LHFPL2: variants seen among roughly 807,000 people sequenced by gnomAD.
LHFPL2 encodes the protein LHFPL tetraspan subfamily member 2 protein.
LHFPL2 carries 7 observed loss-of-function variants against 17.5 expected under a neutral mutation model. That is an observed-to-expected ratio of 0.40 (90% CI 0.23 to 0.75). The LOEUF is 0.75. LHFPL2 is among the 30% of genes least tolerant of loss of function. LHFPL2 has a pLI of 0.37. For missense variants in LHFPL2, 241 were observed against 294.8 expected, an observed-to-expected ratio of 0.82 and a Z score of 1.34; for synonymous variants, 134 against 116.2, an observed-to-expected ratio of 1.15 and a Z score of -0.99.
intron 2 of LHFPL2, among the ~76,000 whole-genome samples, chr5:78,623,724 G>T (rs184710670): frequency 6.6e-6 from 1 of 152,272 alleles, no homozygotes; most frequent in East Asian, 1.9e-4. Context: ...ATGAATGAAT[G>T]AAACTAGATT....
intron 1 of LHFPL2, among the ~76,000 whole-genome samples, chr5:78,636,035 A>G (rs1253954406): frequency 6.6e-6 from 1 of 150,944 alleles, no homozygotes; most frequent in Non-Finnish European, 1.5e-5. Context: ...CACAAACACC[A>G]ATTAAATGAA....
At chr5:78,490,540 CAA>C (rs1437874378) in intron 4 of LHFPL2, among the ~76,000 whole-genome samples, 1 of 151,922 alleles carries the variant, frequency 6.6e-6, no homozygotes, top group Non-Finnish European at 1.5e-5. Flanking sequence ...ATCACGAGGT[CAA>C]GAGAGTGAGA....
rs773948959 is a variant in LHFPL2 at position 78,489,163 on chromosome 5, A to C, written c.431-10T>G. 1.2e-6 allele frequency: 2 copies of C among 1,613,598 alleles called. No homozygotes were observed. The highest frequency in any genetic ancestry group is 1.7e-6 in the Non-Finnish European group (2 of 1,179,606). ...AGGATAAGGAATAGACCTGCAGAAC[A>C]AAAGAGAAAACAGATTAGAAAATCC... On this transcript the variant is annotated splice_polypyrimidine_tract_variant and intron_variant, in intron 4 of 4. Transcript: ENST00000380345.
chr5:78,563,560 G>T (rs1205569389), intron 3 of LHFPL2, among the ~76,000 whole-genome samples: 2 of 152,028 alleles, frequency 1.3e-5, no homozygotes, highest in South Asian at 4.2e-4. Context: ...GCCAGGTGTA[G>T]TTGTGCATGT....
chr5:78,508,207 T>G (rs201338223), intron 4 of LHFPL2, among the ~76,000 whole-genome samples: 1 of 152,134 alleles, frequency 6.6e-6, no homozygotes, highest in African/African-American at 2.4e-5. Context: ...TCTCCCTATT[T>G]TTCAGAAGGA....
Position 78,487,290 on chromosome 5 carries a change from G to A in LHFPL2, c.*1607C>T, listed in dbSNP as rs2112278203. On this transcript the variant is annotated 3_prime_UTR_variant, in exon 5 of 5. Coordinates refer to ENST00000380345, the MANE Select transcript of LHFPL2 (RefSeq NM_005779.3). ...TGTATAATTATCTGTTCTGCACCAA[G>A]ATACGGTGCTTTAGACTCAGACAGC... is the stretch of plus-strand genomic sequence containing the variant. The A allele has an allele frequency of 6.6e-6, 1 of 152,306 alleles. No homozygotes were observed. Among genetic ancestry groups the A allele is most frequent in the Non-Finnish European group, 1.5e-5 (1 of 68,028 alleles). 9.4% of individuals were successfully genotyped at this position (152,306 alleles called of 1,614,324 possible).
chr5:78,492,032 T>C (rs1192635892), intron 4 of LHFPL2, among the ~76,000 whole-genome samples: 1 of 152,222 alleles, frequency 6.6e-6, no homozygotes, highest in Admixed American at 6.5e-5. Flanking sequence ...TAATCTTGTC[T>C]GCATCCCACT....
chr5:78,634,369 G>T (rs1229153597), intron 1 of LHFPL2, among the ~76,000 whole-genome samples: 1 of 152,202 alleles, frequency 6.6e-6, no homozygotes, highest in Admixed American at 6.5e-5. Context: ...TGGGGGCAGT[G>T]AGGACACTGT....
At chr5:78,617,807 A>C (rs562792453) in intron 2 of LHFPL2, among the ~76,000 whole-genome samples, 8 of 152,234 alleles carry the variant, frequency 5.3e-5, no homozygotes, top group Non-Finnish European at 1.0e-4. Flanking sequence ...AGCAATATTT[A>C]TTAAAATTAA....
At chr5:78,580,667 G>T (rs933965692) in intron 2 of LHFPL2, among the ~76,000 whole-genome samples, 2 of 152,072 alleles carry the variant, frequency 1.3e-5, no homozygotes, top group Non-Finnish European at 2.9e-5. Context: ...GATATGCGGC[G>T]TTCTTTCTGA....
intron 4 of LHFPL2, among the ~76,000 whole-genome samples, chr5:78,501,543 G>A (rs141132729): frequency 4.7e-4 from 71 of 152,312 alleles, no homozygotes; most frequent in African/African-American, 1.7e-3. Flanking sequence ...GAGGCTCTGA[G>A]TCTCTTTGGA....
At chr5:78,564,003 T>C (rs1232049283) in intron 3 of LHFPL2, among the ~76,000 whole-genome samples, 1 of 152,184 alleles carries the variant, frequency 6.6e-6, no homozygotes, top group African/African-American at 2.4e-5. Context: ...TTTCTACAAA[T>C]GAGACGGTAT....
intron 3 of LHFPL2, among the ~76,000 whole-genome samples, chr5:78,563,106 C>A (rs1470783221): frequency 6.6e-6 from 1 of 152,208 alleles, no homozygotes; most frequent in African/African-American, 2.4e-5. Flanking sequence ...CCGGCACAGG[C>A]CTGCCTCCAA....
chr5:78,512,641 G>A (rs905220743), intron 3 of LHFPL2, among the ~76,000 whole-genome samples: 2 of 151,952 alleles, frequency 1.3e-5, no homozygotes, highest in African/African-American at 4.8e-5. Context: ...AATACTTTGG[G>A]CCCACAGGTG....
chr5:78,494,558 G>A, intron 4 of LHFPL2: 1 of 982,454 alleles, frequency 1.0e-6, no homozygotes, highest in Non-Finnish European at 1.2e-6. Context: ...CAAATGAAAA[G>A]CTGATGGTCA....
intron 2 of LHFPL2, among the ~76,000 whole-genome samples, chr5:78,581,221 A>G (rs909606729): frequency 1.6e-4 from 24 of 152,206 alleles, no homozygotes; most frequent in Non-Finnish European, 1.2e-4. Flanking sequence ...TAGATATACA[A>G]TCATGTCATC....
At chr5:78,604,947 AACTTT>A in intron 2 of LHFPL2, among the ~76,000 whole-genome samples, 1 of 152,252 alleles carries the variant, frequency 6.6e-6, no homozygotes, top group Non-Finnish European at 1.5e-5. Context: ...GAATGTACTT[AACTTT>A]ATGTCTGGGC....
At chr5:78,636,233 G>C (rs1745445307) in intron 1 of LHFPL2, among the ~76,000 whole-genome samples, 1 of 152,184 alleles carries the variant, frequency 6.6e-6, no homozygotes, top group South Asian at 2.1e-4. Context: ...ATTCTATTAA[G>C]TTATTCCTGT....
At chr5:78,561,569 A>C (rs1756727338) in intron 3 of LHFPL2, among the ~76,000 whole-genome samples, 1 of 152,250 alleles carries the variant, frequency 6.6e-6, no homozygotes, top group Admixed American at 6.5e-5. Flanking sequence ...CCAAACTTGC[A>C]TAACATGATA....
Sources: gnomAD v4.1 joint callset for allele counts (sites outside exome capture counted in the v4.1 genomes callset) on GRCh38, gnomAD v4.1.1 for gene constraint, MANE v1.5 for transcripts, NCBI Gene and HGNC (gene_info 2026-07-23, HGNC 2026-07-21) for gene names.